MXD3: variants seen among roughly 807,000 people sequenced by gnomAD.
MXD3 encodes the protein MAX dimerization protein 3.
MXD3 carries 20 observed loss-of-function variants against 27.5 expected under a neutral mutation model. The observed-to-expected ratio is 0.73, with a 90% CI of 0.51 to 1.06. The LOEUF is 1.06. MXD3 is among the 50% of genes least tolerant of loss of function. MXD3 has a pLI of 0.00. For missense variants in MXD3, 298 were observed against 291.3 expected, an observed-to-expected ratio of 1.02 and a Z score of -0.17; for synonymous variants, 150 against 130.7, an observed-to-expected ratio of 1.15 and a Z score of -1.01.
chr5:177,310,599 C>G, intron 3 of MXD3, 59 bp from the exon 4 acceptor site: 1 of 1,612,974 alleles, frequency 6.2e-7, no homozygotes, highest in Non-Finnish European at 8.5e-7. Flanking sequence ...ACAGGAATGG[C>G]AGGGGAGGGA....
At position 177,307,338 on chromosome 5, in the gene MXD3, G is replaced by A. The variant is rs1004412481; in HGVS notation, c.*250C>T. On this transcript the variant is annotated 3_prime_UTR_variant, in exon 6 of 6. Coordinates refer to ENST00000439742, the MANE Select transcript of MXD3 (RefSeq NM_031300.4). ...TGGGGGCAGCAGAGCCAAATGCTTG[G>A]GCTCGGGCCCAAGCTGCCTGCCCTG... 5 of 1,540,190 alleles carry A rather than the reference G, an allele frequency of 3.2e-6. No homozygotes were observed. In the African/African-American group the frequency reaches 6.9e-5, roughly 21 times the overall value.
At chr5:177,311,632 G>C (rs1761042408) in intron 1 of MXD3, 129 bp downstream of exon 1, 2 of 1,174,810 alleles carry the variant, frequency 1.7e-6, no homozygotes, top group South Asian at 3.2e-5. Context: ...GACTCCTCTC[G>C]AGTTGAGGGC....
At chr5:177,309,138 G>T (rs1271992936) in intron 4 of MXD3, among the ~76,000 whole-genome samples, 2 of 152,230 alleles carry the variant, frequency 1.3e-5, no homozygotes, top group African/African-American at 4.8e-5. Context: ...GGCCAAAAGA[G>T]CAGCCTACTG....
At position 177,307,689 on chromosome 5, in the gene MXD3, C is replaced by T; in HGVS notation, c.520G>A (p.Asp174Asn). Residue 174 changes from aspartate (D) to asparagine (N), a missense_variant, in exon 6 of 6, where the codon GAT becomes AAT. Transcript: ENST00000439742. ...SDSDQEELEVDVESLVFGGEA... is the reference protein window; with the variant it reads ...SDSDQEELEVNVESLVFGGEA... ...CCCCCAAACACCAGGCTCTCCACAT[C>T]CACCTCCAGCTCCTCTGCGCGGGGA... 6.2e-7 allele frequency: 1 copy of T among 1,613,786 alleles called. No homozygotes were observed. The highest frequency in any genetic ancestry group is 1.1e-5 in the South Asian group (1 of 91,086).
At chr5:177,311,921 A>G (rs1451194829), upstream of MXD3, 8 of 1,458,628 alleles carry the variant, frequency 5.5e-6, no homozygotes, top group Non-Finnish European at 5.5e-6. Flanking sequence ...ACACGGTGCA[A>G]CAAACACAGG....
downstream of MXD3, chr5:177,306,743 GC>G: frequency 9.1e-7 from 1 of 1,096,974 alleles, no homozygotes; most frequent in Non-Finnish European, 1.3e-6. Flanking sequence ...TCATGTCTGA[GC>G]CAGGTCTGCT....
intron 2 of MXD3, chr5:177,310,945 G>A (rs887857907): frequency 2.5e-5 from 15 of 597,126 alleles, no homozygotes; most frequent in Non-Finnish European, 4.5e-5. Context: ...GCGCCTGCCA[G>A]CTGGCCAGAA....
chr5:177,307,240 TAC>T lies in MXD3; in HGVS notation c.*346_*347del, dbSNP rs1561593902. The T allele has an allele frequency of 6.4e-6, 10 of 1,551,728 alleles. No homozygotes were observed. The highest frequency in any genetic ancestry group is 7.8e-6 in the Non-Finnish European group (9 of 1,146,982). ...AAAGAGGCTTTTAATGAAAATACTG[TAC>T]AGTTTATGTGAGGCAAAGGCAGGGG... On this transcript the variant is annotated 3_prime_UTR_variant, in exon 6 of 6. Transcript: ENST00000439742.
Position 177,307,671 on chromosome 5 carries a change from A to G in MXD3, c.538T>C (p.Phe180Leu). ...CGCAGCAGCTCGGCCTCACCCCCAA[A>G]CACCAGGCTCTCCACATCCACCTCC... ...ELEVDVESLV[F>L]GGEAELLRGF... The change falls in exon 6 of 6, where the codon TTT becomes CTT. Residue 180 changes from phenylalanine (F) to leucine (L), a missense_variant. Physicochemically the swap from Phe to Leu is conservative, Grantham distance 22. Transcript: ENST00000439742. 2 of 1,613,554 alleles carry G rather than the reference A, an allele frequency of 1.2e-6. No homozygotes were observed. Among genetic ancestry groups the G allele is most frequent in the Non-Finnish European group, 1.7e-6 (2 of 1,179,896 alleles).
chr5:177,307,829 T>C lies in MXD3; in HGVS notation c.457A>G (p.Ser153Gly). Residue 153 changes from serine (S) to glycine (G), a missense_variant, in exon 5 of 6, where the codon AGT becomes GGT. Physicochemically the swap from Ser to Gly is moderately conservative, Grantham distance 56. Coordinates refer to ENST00000439742, the MANE Select transcript of MXD3 (RefSeq NM_031300.4). Reference protein sequence around the residue: ...AAERERLRADSLDSSGLSSER... With the variant: ...AAERERLRADGLDSSGLSSER... The stretch of plus-strand genomic sequence containing the variant: ...GAGGAGAGGCCTGAGGAGTCCAGAC[T>C]GTCCGCCCGCAGCCGCTCCCGCTCG... 1 of 1,612,168 alleles carries C rather than the reference T, an allele frequency of 6.2e-7. No homozygotes were observed. The highest frequency in any genetic ancestry group is 8.5e-7 in the Non-Finnish European group (1 of 1,179,562).
At chr5:177,311,902 A>C, upstream of MXD3, 1 of 1,523,968 alleles carries the variant, frequency 6.6e-7, no homozygotes, top group Non-Finnish European at 8.8e-7. Flanking sequence ...TTTTGTTACA[A>C]AGTAACTGAC....
chr5:177,311,581 C>T, intron 1 of MXD3, 97 bp from the exon 2 acceptor site: 1 of 1,200,944 alleles, frequency 8.3e-7, no homozygotes, highest in East Asian at 2.7e-5. Context: ...CTTTTGGCGC[C>T]AGGACCATTT....
Position 177,307,334 on chromosome 5 carries a change from C to T in MXD3, c.*254G>A, listed in dbSNP as rs1222005544. 2.6e-6 allele frequency: 4 copies of T among 1,540,944 alleles called. No individual in the cohort carries two copies. In the South Asian group the frequency reaches 4.8e-5, roughly 18 times the overall value. ...CCCTTGGGGGCAGCAGAGCCAAATG[C>T]TTGGGCTCGGGCCCAAGCTGCCTGC... is the stretch of plus-strand genomic sequence containing the variant. On this transcript the variant is annotated 3_prime_UTR_variant, in exon 6 of 6. Coordinates refer to ENST00000439742, the MANE Select transcript of MXD3 (RefSeq NM_031300.4).
intron 4 of MXD3, among the ~76,000 whole-genome samples, chr5:177,308,721 A>C (rs536758116): frequency 3.9e-5 from 6 of 152,174 alleles, no homozygotes; most frequent in Non-Finnish European, 8.8e-5. Flanking sequence ...TTTTCATGTC[A>C]AATGTCTTTT....
downstream of MXD3, chr5:177,306,679 C>T (rs1408903783): frequency 2.0e-5 from 29 of 1,456,948 alleles, no homozygotes; most frequent in South Asian, 7.7e-5. Context: ...CTGCTGTCTA[C>T]GTGGTGGGTT....
At chr5:177,306,039 GGGGCT>G, downstream of MXD3, 1 of 1,600,880 alleles carries the variant, frequency 6.2e-7, no homozygotes, top group Non-Finnish European at 8.6e-7. Flanking sequence ...TTTCGGTGTT[GGGGCT>G]GGGCTGGGGT....
chr5:177,306,558 A>G, downstream of MXD3: 1 of 1,609,514 alleles, frequency 6.2e-7, no homozygotes, highest in South Asian at 1.1e-5. Context: ...AGCAGCAGCA[A>G]CAGTTTGTGT....
chr5:177,309,293 G>C (rs1360960623), intron 4 of MXD3, among the ~76,000 whole-genome samples: 1 of 152,226 alleles, frequency 6.6e-6, no homozygotes, highest in Non-Finnish European at 1.5e-5. Flanking sequence ...CTAGAGCAAA[G>C]TAGAAGACAG....
chr5:177,311,363 C>T lies in MXD3; in HGVS notation c.176+16G>A, dbSNP rs749343493. 2 of 1,426,308 alleles carry T rather than the reference C, an allele frequency of 1.4e-6. No individual in the cohort carries two copies. Among genetic ancestry groups the T allele is most frequent in the South Asian group, 1.5e-5 (1 of 64,690 alleles). 88.4% of individuals were successfully genotyped at this position (1,426,308 alleles called of 1,614,324 possible). On this transcript the variant is annotated intron_variant, in intron 2 of 5. Coordinates refer to ENST00000439742, the MANE Select transcript of MXD3 (RefSeq NM_031300.4). ...CCCACCCCCACCCCCACTCCCGCCG[C>T]CCCCGGCCTCCTCACCGCCCGCTGT...
Sources: allele counts gnomAD v4.1 joint callset (sites outside exome capture counted in the v4.1 genomes callset), GRCh38; gene constraint gnomAD v4.1.1; transcripts MANE v1.5; gene names NCBI Gene and HGNC (gene_info 2026-07-23, HGNC 2026-07-21).